Variants in LGR6 observed in about 807,000 individuals in gnomAD.
LGR6 encodes the protein leucine rich repeat containing G protein-coupled receptor 6.
In LGR6, 45 loss-of-function variants were observed where a neutral mutation model predicts 69.4. The ratio of observed to expected loss-of-function variants is 0.65; its 90% CI spans 0.51 to 0.83. The LOEUF (loss-of-function observed/expected upper bound fraction) is 0.83. Ranked by LOEUF, LGR6 falls within the 40% of genes least tolerant of loss-of-function variation. The probability of loss-of-function intolerance (pLI) is 0.00; values close to 1 mark genes in which losing one functional copy is unlikely to be tolerated. For synonymous variants in LGR6, 538 were observed against 555.0 expected (o/e 0.97, Z 0.43); for missense variants, 1,108 against 1,246.7 (o/e 0.89, Z 1.68).
Position 202,194,184 on chromosome 1 carries a change from C to T in LGR6, c.195C>T (p.Asp65=), listed in dbSNP as rs747149083. 26 of 1,560,108 alleles carry T rather than the reference C, an allele frequency of 1.7e-5. No individual in the cohort carries two copies. The highest frequency in any genetic ancestry group is 2.1e-5 in the Non-Finnish European group (24 of 1,161,684). The stretch of plus-strand genomic sequence containing the variant: ...TGTCCGCCGTTCCGGGGGACCTGGA[C>T]CCCCTGACGGCTTACCTGTGAGTAC... ...LGLSAVPGDL[D]PLTAYLDLSM... is the part of the protein sequence containing the mutation. Residue 65 remains aspartate, a synonymous_variant, in exon 1 of 18, where the codon GAC becomes GAT. Transcript: ENST00000367278.
intron 1 of LGR6, among the ~76,000 whole-genome samples, chr1:202,218,015 C>T (rs1171784450): frequency 1.3e-5 from 2 of 152,126 alleles, no homozygotes; most frequent in African/African-American, 4.8e-5. Flanking sequence ...TTTGGAATCT[C>T]AAAGATGATA....
At chr1:202,201,205 T>C (rs1238154490) in intron 1 of LGR6, among the ~76,000 whole-genome samples, 1 of 152,206 alleles carries the variant, frequency 6.6e-6, no homozygotes, top group East Asian at 1.9e-4. Context: ...CCTTCCTGGT[T>C]GATATTTTCA....
chr1:202,210,157 C>T (rs538704379), intron 1 of LGR6, among the ~76,000 whole-genome samples: 1 of 152,266 alleles, frequency 6.6e-6, no homozygotes, highest in South Asian at 2.1e-4. Flanking sequence ...AATCCCTCAA[C>T]TCTGGGGGAG....
chr1:202,236,542 C>T (rs1215070607), intron 4 of LGR6, among the ~76,000 whole-genome samples: 5 of 152,154 alleles, frequency 3.3e-5, no homozygotes, highest in African/African-American at 1.2e-4. Context: ...GCAGGGGCAT[C>T]GTGGAAGCCA....
chr1:202,214,037 G>A (rs1659583941), intron 1 of LGR6: 9 of 1,347,186 alleles, frequency 6.7e-6, no homozygotes, highest in Non-Finnish European at 8.5e-6. Flanking sequence ...GGGCAGATGG[G>A]TGGGGCGCTA....
In LGR6 at chr1:202,319,028, G is replaced by T. The variant is rs759945217; in HGVS notation, c.2725G>T (p.Ala909Ser). Residue 909 changes from alanine (A) to serine (S), a missense_variant, in exon 18 of 18, where the codon GCC becomes TCC. Ala to Ser is a moderately conservative substitution (Grantham distance 99). Coordinates refer to ENST00000367278, the MANE Select transcript of LGR6 (RefSeq NM_001017403.2). The stretch of plus-strand genomic sequence containing the variant: ...CCTCATCTCCTGTCAGCAGCCAGGG[G>T]CCCCCAGGCTGGAGGGCAGCCATTG... Reference protein sequence around the residue: ...VTLISCQQPGAPRLEGSHCVE... With the variant: ...VTLISCQQPGSPRLEGSHCVE... The T allele has an allele frequency of 1.2e-6, 2 of 1,614,118 alleles. No individual in the cohort carries two copies. The highest frequency in any genetic ancestry group is 2.2e-5 in the South Asian group (2 of 91,074).
intron 4 of LGR6, among the ~76,000 whole-genome samples, chr1:202,274,136 C>T (rs900022112): frequency 6.6e-6 from 1 of 152,182 alleles, no homozygotes; most frequent in African/African-American, 2.4e-5. Flanking sequence ...CCAGGATCCT[C>T]GACCATCCCT....
chr1:202,193,951 CGCCCGGCCGCCAGGTGCCCCAGTA>C lies in LGR6; in HGVS notation c.-33_-10del. The C allele has an allele frequency of 3.2e-6, 4 of 1,251,484 alleles. No individual in the cohort carries two copies. Among genetic ancestry groups the C allele is most frequent in the Non-Finnish European group, 2.0e-6 (2 of 986,738 alleles). 77.5% of individuals were successfully genotyped at this position (1,251,484 alleles called of 1,614,324 possible). A position where few individuals can be genotyped will look rare whatever the true frequency, so the allele number is the denominator to read the frequency against. On this transcript the variant is annotated 5_prime_UTR_variant, in exon 1 of 18. Coordinates refer to ENST00000367278, the MANE Select transcript of LGR6 (RefSeq NM_001017403.2). The stretch of plus-strand genomic sequence containing the variant: ...CTGCGGCCATCGCGCCGTGCGTCCG[CGCCCGGCCGCCAGGTGCCCCAGTA>C]GCCCGACCGCCGAGATGCCCAGCCC...
Position 202,318,146 on chromosome 1 carries a change from T to C in LGR6, c.1843T>C (p.Cys615Arg). ...AGANTLTGIS[C>R]GLLASVDALT... ...CGCCAACACCTTGACTGGCATTTCCTGTGGCCTTCTAGCCTCAGTCGATGC... is the reference window on the plus strand; with the variant it reads ...CGCCAACACCTTGACTGGCATTTCCCGTGGCCTTCTAGCCTCAGTCGATGC... Residue 615 changes from cysteine (C) to arginine (R), a missense_variant, in exon 18 of 18, where the codon TGT becomes CGT. Cys to Arg is a radical substitution (Grantham distance 180). Transcript: ENST00000367278. 6.2e-7 allele frequency: 1 copy of C among 1,614,094 alleles called. No homozygotes were observed. Among genetic ancestry groups the C allele is most frequent in the African/African-American group, 1.3e-5 (1 of 75,080 alleles).
chr1:202,264,905 GA>G (rs1214301455), intron 4 of LGR6, among the ~76,000 whole-genome samples: 5 of 152,184 alleles, frequency 3.3e-5, no homozygotes, highest in African/African-American at 4.8e-5. Context: ...CTGACAGATG[GA>G]AGGAAAGGAG....
intron 3 of LGR6, among the ~76,000 whole-genome samples, chr1:202,232,869 T>A: frequency 6.6e-6 from 1 of 152,216 alleles, no homozygotes; most frequent in Non-Finnish European, 1.5e-5. Flanking sequence ...GCAAGTTACC[T>A]TCCCTCTCTG....
chr1:202,296,321 C>T (rs1667160784), intron 6 of LGR6, among the ~76,000 whole-genome samples: 1 of 152,188 alleles, frequency 6.6e-6, no homozygotes, highest in Non-Finnish European at 1.5e-5. Flanking sequence ...CACATTTCCA[C>T]ATGAGGCTAA....
At chr1:202,282,697 C>T (rs968636529) in intron 6 of LGR6, among the ~76,000 whole-genome samples, 6 of 152,140 alleles carry the variant, frequency 3.9e-5, no homozygotes, top group Admixed American at 1.3e-4. Context: ...TATGTGTTGG[C>T]GCCTCTAAAA....
chr1:202,283,722 G>C (rs925363590), intron 6 of LGR6, among the ~76,000 whole-genome samples: 1 of 152,190 alleles, frequency 6.6e-6, no homozygotes, highest in South Asian at 2.1e-4. Flanking sequence ...TCATGTGCAC[G>C]TGCAGCACAC....
chr1:202,223,393 T>C (rs1400381128), intron 1 of LGR6, among the ~76,000 whole-genome samples: 3 of 152,116 alleles, frequency 2.0e-5, no homozygotes, highest in African/African-American at 7.2e-5. Context: ...TTTTTATAGA[T>C]TGGAACAGGA....
At chr1:202,236,609 C>T (rs1405628145) in intron 4 of LGR6, among the ~76,000 whole-genome samples, 1 of 152,172 alleles carries the variant, frequency 6.6e-6, no homozygotes, top group East Asian at 1.9e-4. Context: ...TAACCCAGCC[C>T]AGTGGGAGCC....
intron 4 of LGR6, 27 bp downstream of exon 4, chr1:202,236,020 A>G (rs776840054): frequency 6.3e-7 from 1 of 1,599,562 alleles, no homozygotes; most frequent in South Asian, 1.1e-5. Context: ...CTGGTCTGGG[A>G]GTCACCAGCT....
intron 4 of LGR6, among the ~76,000 whole-genome samples, chr1:202,247,249 C>A (rs1018755009): frequency 5.9e-5 from 9 of 151,620 alleles, no homozygotes; most frequent in African/African-American, 2.2e-4. Flanking sequence ...GCAGCATCGG[C>A]GTCACTTGGG....
chr1:202,207,389 G>T (rs1659292667), intron 1 of LGR6, among the ~76,000 whole-genome samples: 1 of 152,200 alleles, frequency 6.6e-6, no homozygotes, highest in Non-Finnish European at 1.5e-5. Flanking sequence ...ACCTTGGGTT[G>T]GAGGTGCTTC....
Sources: allele counts gnomAD v4.1 joint callset (sites outside exome capture counted in the v4.1 genomes callset), GRCh38; gene constraint gnomAD v4.1.1; transcripts MANE v1.5; gene names NCBI Gene and HGNC (gene_info 2026-07-23, HGNC 2026-07-21).